SMARCC1: variants seen among roughly 807,000 people sequenced by gnomAD.
SMARCC1 encodes SWI/SNF complex subunit SMARCC1.
Under a neutral mutation model 147.4 loss-of-function variants are expected in SMARCC1, and 43 were observed. The observed-to-expected ratio is 0.29, with a 90% CI of 0.23 to 0.38. The LOEUF (loss-of-function observed/expected upper bound fraction) is 0.38, where lower values mean the gene tolerates loss of function less well. Among genes scored for constraint, SMARCC1 ranks in the 10% least tolerant of loss-of-function variants. The pLI, the probability that SMARCC1 is intolerant of heterozygous loss-of-function variation, is 1.00. For missense variants in SMARCC1, 1,119 were observed against 1,381.1 expected, an observed-to-expected ratio of 0.81 and a Z score of 3.01; for synonymous variants, 495 against 484.4, an observed-to-expected ratio of 1.02 and a Z score of -0.29.
intron 24 of SMARCC1, among the ~76,000 whole-genome samples, chr3:47,623,356 T>A (rs900272354): frequency 3.9e-5 from 6 of 152,112 alleles, no homozygotes; most frequent in African/African-American, 1.4e-4. Context: ...CTCTTAATGA[T>A]CTTAGGTTTC....
At position 47,755,768 on chromosome 3, in the gene SMARCC1, C is replaced by T. The variant is rs373369183; in HGVS notation, c.316-9775G>A. Among the ~76,000 whole-genome samples, 14 of 149,962 alleles carry T rather than the reference C, an allele frequency of 9.3e-5. No individual in the cohort carries two copies. The East Asian group carries it at 1.6e-3, about 17-fold the overall frequency. On this transcript the variant is annotated intron_variant, in intron 2 of 27. Coordinates refer to ENST00000254480, the MANE Select transcript of SMARCC1 (RefSeq NM_003074.4). Reference sequence around the variant, plus strand: ...AGCACTTTGGGAGGCCGAGGCGGGCCGATCACAAGGTCAGGAGTTCGAGAC... The same window carrying T: ...AGCACTTTGGGAGGCCGAGGCGGGCTGATCACAAGGTCAGGAGTTCGAGAC...
intron 12 of SMARCC1, among the ~76,000 whole-genome samples, chr3:47,692,781 G>C (rs376180677): frequency 4.6e-5 from 7 of 152,116 alleles, no homozygotes; most frequent in Non-Finnish European, 1.0e-4. Context: ...CCAGCACTTT[G>C]GGAGGCCGAG....
intron 21 of SMARCC1, among the ~76,000 whole-genome samples, chr3:47,660,919 C>A (rs1370540790): frequency 6.6e-6 from 1 of 152,070 alleles, no homozygotes; most frequent in Non-Finnish European, 1.5e-5. Context: ...AAAAAAACCC[C>A]CAAAACAATG....
chr3:47,706,430 C>T lies in SMARCC1; in HGVS notation c.1019G>A (p.Arg340Gln), dbSNP rs1481751128. The T allele has an allele frequency of 1.2e-5, 19 of 1,574,970 alleles. No homozygotes were observed. Among genetic ancestry groups the T allele is most frequent in the Non-Finnish European group, 1.3e-5 (15 of 1,165,520 alleles). Residue 340 changes from arginine (R) to glutamine (Q), a missense_variant, in exon 10 of 28, where the codon CGG becomes CAG. Around this residue, in one of 6 missense-constraint regions of SMARCC1, gnomAD observed 542 missense variants for 611.8 expected, o/e 0.89. Transcript: ENST00000254480. ...TTACCCTTTCTTCCCACTCTTCTTC[C>T]GTGATTCTGTTGGTGTCGGAGGGGG... ...SPPPPTPTES[R>Q]KKSGKKGQAS...
At position 47,766,820 on chromosome 3, in the gene SMARCC1, A is replaced by AT. The variant is rs527421380; in HGVS notation, c.315+5996_315+5997insA. On this transcript the variant is annotated intron_variant, in intron 2 of 27. Transcript: ENST00000254480. The stretch of plus-strand genomic sequence containing the variant: ...CTTATGAAATGCTTGGTTCTTTCTA[A>AT]ATCTCTCAGCATTTGATAGAACAAG... Among the ~76,000 whole-genome samples, 199 of 152,222 alleles carry AT rather than the reference A, an allele frequency of 1.3e-3. 1 individual carries two copies. Among genetic ancestry groups the AT allele is most frequent in the African/African-American group, 4.5e-3 (186 of 41,550 alleles).
At chr3:47,626,458 TAAAA>T (rs67479695) in intron 24 of SMARCC1, among the ~76,000 whole-genome samples, 2 of 117,786 alleles carry the variant, frequency 1.7e-5, no homozygotes, top group Non-Finnish European at 3.4e-5. Flanking sequence ...ACCCTGTCTT[TAAAA>T]AAAAAAAAAA....
At chr3:47,769,503 A>G (rs1312908207) in intron 2 of SMARCC1, among the ~76,000 whole-genome samples, 1 of 151,620 alleles carries the variant, frequency 6.6e-6, no homozygotes, top group Non-Finnish European at 1.5e-5. Context: ...CTGGGATTAC[A>G]GGCATGAGCC....
At chr3:47,663,526 T>C in intron 19 of SMARCC1, 1 of 862,296 alleles carries the variant, frequency 1.2e-6, no homozygotes, top group South Asian at 1.7e-5. Flanking sequence ...CGAGAGGATC[T>C]CTTGAGCCCA....
chr3:47,613,470 C>T (rs926975610), intron 25 of SMARCC1, among the ~76,000 whole-genome samples: 2 of 151,478 alleles, frequency 1.3e-5, no homozygotes, highest in Non-Finnish European at 2.9e-5. Context: ...AGCAATTCTC[C>T]TCCCTCAGCC....
chr3:47,725,628 T>G (rs1242173716), intron 6 of SMARCC1, among the ~76,000 whole-genome samples: 1 of 151,998 alleles, frequency 6.6e-6, no homozygotes, highest in Non-Finnish European at 1.5e-5. Flanking sequence ...TTTTTTGTGT[T>G]TTTAGTAGAG....
At chr3:47,640,041 T>G (rs2033028694) in intron 21 of SMARCC1, among the ~76,000 whole-genome samples, 1 of 152,134 alleles carries the variant, frequency 6.6e-6, no homozygotes, top group African/African-American at 2.4e-5. Context: ...CCAACCACAA[T>G]GCAATGAAAT....
chr3:47,661,435 C>T lies in SMARCC1; in HGVS notation c.2179G>A (p.Glu727Lys), dbSNP rs1165051123. ...TCAACCAATTCCAGTGGTACCTCCT[C>T]CCGGACCCGAGAAAACTCCTCTGGT... ...AALEEFSRVREEVPLELVEAH... is the reference protein window; with the variant it reads ...AALEEFSRVRKEVPLELVEAH... The change falls in exon 21 of 28, where the codon GAG (glutamate) becomes AAG (lysine). Residue 727 changes from glutamate (E) to lysine (K), a missense_variant. Physicochemically the swap from Glu to Lys is moderately conservative, Grantham distance 56 (BLOSUM62 1). Coordinates refer to ENST00000254480, the MANE Select transcript of SMARCC1 (RefSeq NM_003074.4). 6.2e-7 allele frequency: 1 copy of T among 1,605,774 alleles called. No individual in the cohort carries two copies. The highest frequency in any genetic ancestry group is 8.5e-7 in the Non-Finnish European group (1 of 1,177,994).
chr3:47,647,158 C>G (rs1490869478), intron 21 of SMARCC1, among the ~76,000 whole-genome samples: 1 of 152,164 alleles, frequency 6.6e-6, no homozygotes, highest in African/African-American at 2.4e-5. Context: ...TGAATTCTTT[C>G]AAAAGTTCCT....
At chr3:47,734,006 C>T (rs202024169) in intron 5 of SMARCC1, among the ~76,000 whole-genome samples, 1 of 151,260 alleles carries the variant, frequency 6.6e-6, no homozygotes, top group East Asian at 1.9e-4. Flanking sequence ...TGTATATCTA[C>T]ATATATGTAT....
chr3:47,589,430 C>T (rs553071327), intron 27 of SMARCC1, among the ~76,000 whole-genome samples: 3 of 152,204 alleles, frequency 2.0e-5, no homozygotes, highest in African/African-American at 7.2e-5. Context: ...GTGATACTAC[C>T]TCTGCAATAG....
intron 26 of SMARCC1, among the ~76,000 whole-genome samples, chr3:47,600,714 A>C (rs2032368445): frequency 6.6e-6 from 1 of 152,130 alleles, no homozygotes; most frequent in Non-Finnish European, 1.5e-5. Flanking sequence ...ATTTAAGAAG[A>C]CTCAGGAGAA....
chr3:47,741,747 A>G (rs938875158), intron 3 of SMARCC1, among the ~76,000 whole-genome samples: 2 of 151,590 alleles, frequency 1.3e-5, no homozygotes, highest in Non-Finnish European at 2.9e-5. Flanking sequence ...TATTTATTTT[A>G]CTATTATTTT....
intron 18 of SMARCC1, among the ~76,000 whole-genome samples, chr3:47,674,808 T>C (rs541316383): frequency 1.3e-5 from 2 of 152,318 alleles, no homozygotes; most frequent in African/African-American, 4.8e-5. Flanking sequence ...TTTTAGCCAT[T>C]ATATATTCAA....
chr3:47,662,387 A>C lies in SMARCC1; in HGVS notation c.2105T>G (p.Leu702Trp). Residue 702 changes from leucine to tryptophan, a missense_variant, in exon 20 of 28, where the codon TTG becomes TGG. Leu to Trp is a moderately conservative substitution (Grantham distance 61). Coordinates refer to ENST00000254480, the MANE Select transcript of SMARCC1 (RefSeq NM_003074.4). Reference protein sequence around the residue: ...GNPVMSTVAFLASVVDPRVAS... With the variant: ...GNPVMSTVAFWASVVDPRVAS... ...CACGCGAGGGTCCACCACAGATGCC[A>C]AAAAAGCAACAGTACTCATAACTGG... 1 of 1,614,020 alleles carries C rather than the reference A, an allele frequency of 6.2e-7. No homozygotes were observed. The highest frequency in any genetic ancestry group is 8.5e-7 in the Non-Finnish European group (1 of 1,179,876).
Sources: allele counts gnomAD v4.1 joint callset (sites outside exome capture counted in the v4.1 genomes callset), GRCh38; gene constraint gnomAD v4.1.1; regional missense constraint gnomAD v4.1.1; transcripts MANE v1.5; gene names NCBI Gene and HGNC (gene_info 2026-07-23, HGNC 2026-07-21).